DCP1B: variants seen among roughly 807,000 people sequenced by gnomAD.
The protein encoded by DCP1B is mRNA-decapping enzyme 1B.
In DCP1B, 47 loss-of-function variants were observed where a neutral mutation model predicts 60.5. The ratio of observed to expected loss-of-function variants is 0.78; its 90% CI spans 0.61 to 0.99. The LOEUF is 0.99. Among genes scored for constraint, DCP1B ranks in the 50% least tolerant of loss-of-function variants. The pLI is 0.00. For missense variants in DCP1B, 725 were observed against 756.8 expected (o/e 0.96, Z 0.49); for synonymous variants, 267 against 280.3 (o/e 0.95, Z 0.47).
At chr12:1,943,725 G>A (rs1168305820), downstream of DCP1B, among the ~76,000 whole-genome samples, 4 of 152,130 alleles carry the variant, frequency 2.6e-5, no homozygotes, top group Non-Finnish European at 2.9e-5. Context: ...AAAGGCCTTC[G>A]ATAAAATTCA....
At chr12:1,961,019 T>C (rs551621590) in intron 5 of DCP1B, among the ~76,000 whole-genome samples, 1 of 152,282 alleles carries the variant, frequency 6.6e-6, no homozygotes, top group Admixed American at 6.5e-5. Context: ...GAATGCTCTT[T>C]CCAAACATAA....
chr12:1,952,284 C>T lies in DCP1B; in HGVS notation c.1524+132G>A, dbSNP rs574854283. 21 of 1,138,094 alleles carry T rather than the reference C, an allele frequency of 1.8e-5. No individual in the cohort carries two copies. The South Asian group carries it at 4.3e-4, about 23-fold the overall frequency. 70.5% of individuals were successfully genotyped at this position (1,138,094 alleles called of 1,614,324 possible). A position where few individuals can be genotyped will look rare whatever the true frequency, so the allele number is the denominator to read the frequency against. ...CGCCTCTTGAGCTCAAGGGATCCTC[C>T]CACCTCAGCCTCCTCAGTAGCTGGT... is the stretch of plus-strand genomic sequence containing the variant. On this transcript the variant is annotated intron_variant, in intron 7 of 8. Coordinates refer to ENST00000280665, the MANE Select transcript of DCP1B (RefSeq NM_152640.5).
At chr12:1,943,050 C>A (rs2030319007), downstream of DCP1B, among the ~76,000 whole-genome samples, 1 of 151,704 alleles carries the variant, frequency 6.6e-6, no homozygotes, top group Non-Finnish European at 1.5e-5. Context: ...AGACTGCTAG[C>A]CAGAATAATA....
chr12:1,946,910 G>A (rs1057216883), intron 8 of DCP1B, among the ~76,000 whole-genome samples: 5 of 152,084 alleles, frequency 3.3e-5, no homozygotes, highest in African/African-American at 1.2e-4. Context: ...TGCTCAGGGT[G>A]GTCTTGAACT....
chr12:1,982,009 G>A (rs1454342791), intron 3 of DCP1B, among the ~76,000 whole-genome samples: 1 of 152,204 alleles, frequency 6.6e-6, no homozygotes. Context: ...ACTACAGCCA[G>A]CTTTAAATGT....
Position 1,991,753 on chromosome 12 carries a change from G to A in DCP1B, c.319+1511C>T, listed in dbSNP as rs557327908. The A allele has an allele frequency of 1.3e-4, 20 of 155,562 alleles. 1 individual carries two copies. In the South Asian group the frequency reaches 3.1e-3, roughly 24 times the overall value. The allele number at this position is 155,562 out of a possible 1,614,324, so 9.6% of individuals were successfully genotyped here. A position where few individuals can be genotyped will look rare whatever the true frequency, so the allele number is the denominator to read the frequency against. ...GATAAACCCTGTGGGACTTAAGAAG[G>A]TTATTTTTTAAATTGATGCATTAAA... On this transcript the variant is annotated intron_variant, in intron 3 of 8. Transcript: ENST00000280665.
chr12:1,997,990 CA>C lies in DCP1B; in HGVS notation c.151-16del, dbSNP rs1420165301. The C allele has an allele frequency of 1.9e-6, 3 of 1,605,992 alleles. No individual in the cohort carries two copies. In the African/African-American group the frequency reaches 4.0e-5, roughly 22 times the overall value. ...TCAGTTTTCTCCTAAACAATAAAAA[CA>C]AAACACACAAGACATGTATGTTCTC... is the stretch of plus-strand genomic sequence containing the variant. On this transcript the variant is annotated splice_polypyrimidine_tract_variant and intron_variant, in intron 1 of 8. Transcript: ENST00000280665.
At chr12:1,954,717 T>C (rs919841975) in intron 6 of DCP1B, among the ~76,000 whole-genome samples, 1 of 152,090 alleles carries the variant, frequency 6.6e-6, no homozygotes, top group African/African-American at 2.4e-5. Context: ...ACAGAGGAGG[T>C]GCTCAGAAGT....
chr12:1,956,663 ATTC>A (rs1462373183), intron 5 of DCP1B, among the ~76,000 whole-genome samples: 7 of 152,166 alleles, frequency 4.6e-5, no homozygotes, highest in African/African-American at 1.4e-4. Context: ...GTTACTTCCA[ATTC>A]TTCTTAGGTG....
At chr12:1,995,409 T>C (rs1462262176) in intron 2 of DCP1B, among the ~76,000 whole-genome samples, 1 of 152,274 alleles carries the variant, frequency 6.6e-6, no homozygotes, top group Non-Finnish European at 1.5e-5. Flanking sequence ...AGAGTGCTCA[T>C]ACTCTACCCA....
At chr12:1,984,173 T>A (rs1056265632) in intron 3 of DCP1B, among the ~76,000 whole-genome samples, 23 of 152,100 alleles carry the variant, frequency 1.5e-4, no homozygotes, top group African/African-American at 5.6e-4. Flanking sequence ...CATGCTTTTT[T>A]AATCCAATCT....
At chr12:1,944,489 A>G (rs554453615), downstream of DCP1B, among the ~76,000 whole-genome samples, 1 of 152,318 alleles carries the variant, frequency 6.6e-6, no homozygotes, top group East Asian at 1.9e-4. Flanking sequence ...AATCCTAAGT[A>G]AAAAGAACAA....
At chr12:1,992,994 C>G (rs2039830756) in intron 3 of DCP1B, 1 of 620,022 alleles carries the variant, frequency 1.6e-6, no homozygotes, top group African/African-American at 1.8e-5. Context: ...GGCTTAAGAT[C>G]AGCAATGGGT....
At chr12:1,997,854 T>G (rs538246177) in intron 2 of DCP1B, 81 bp downstream of exon 2, 55 of 1,120,250 alleles carry the variant, frequency 4.9e-5, no homozygotes, top group Non-Finnish European at 6.7e-5. Context: ...TAAAACTGCA[T>G]GCACTTGAAG....
chr12:1,974,250 C>A (rs1466701771), intron 3 of DCP1B, among the ~76,000 whole-genome samples: 2 of 152,130 alleles, frequency 1.3e-5, no homozygotes, highest in Non-Finnish European at 2.9e-5. Flanking sequence ...ACTAGATATG[C>A]TAGAATTCTC....
intron 3 of DCP1B, among the ~76,000 whole-genome samples, chr12:1,973,053 G>A (rs183508922): frequency 3.3e-5 from 5 of 152,186 alleles, no homozygotes; most frequent in Admixed American, 1.3e-4. Flanking sequence ...GCTTTCCTCC[G>A]GCATGTTCTC....
rs1161804210 is a variant in DCP1B, at chr12:1,955,549, A to T, written c.534T>A (p.Cys178Ter). The change falls in exon 6 of 9, where the codon TGT becomes TGA. Residue 178 changes from cysteine (C) to a stop codon, truncating the protein, a stop_gained. Transcript: ENST00000280665. LOFTEE classifies it high-confidence loss of function. ...AACTGGTTATCTTTTTTGGCTCAGAACAGGTTTTACACTGAAATAGAAAAG... is the reference window on the plus strand; with the variant it reads ...AACTGGTTATCTTTTTTGGCTCAGATCAGGTTTTACACTGAAATAGAAAAG... ...AKDEYTKCKTCSEPKKITSSS... is the reference protein window; with the variant it reads ...AKDEYTKCKT 6.2e-7 allele frequency: 1 copy of T among 1,613,088 alleles called. No homozygotes were observed. The highest frequency in any genetic ancestry group is 8.5e-7 in the Non-Finnish European group (1 of 1,179,358).
chr12:1,973,941 T>C (rs936820844), intron 3 of DCP1B, among the ~76,000 whole-genome samples: 1 of 152,204 alleles, frequency 6.6e-6, no homozygotes, highest in African/African-American at 2.4e-5. Flanking sequence ...CCAGGCTTTC[T>C]CACTCCTCTA....
At chr12:1,956,122 C>T (rs1254503237) in intron 5 of DCP1B, among the ~76,000 whole-genome samples, 1 of 152,152 alleles carries the variant, frequency 6.6e-6, no homozygotes, top group Non-Finnish European at 1.5e-5. Flanking sequence ...TCTGAGCGTT[C>T]TGAGCTACTT....
Sources: allele counts gnomAD v4.1 joint callset (sites outside exome capture counted in the v4.1 genomes callset), GRCh38; gene constraint gnomAD v4.1.1; transcripts MANE v1.5; gene names NCBI Gene and HGNC (gene_info 2026-07-23, HGNC 2026-07-21).